RBFOX1: variants seen among roughly 807,000 people sequenced by gnomAD.
RBFOX1 encodes the protein RNA binding protein fox-1 homolog 1.
Under a neutral mutation model 57.7 loss-of-function variants are expected in RBFOX1, and 8 were observed. The ratio of observed to expected loss-of-function variants is 0.14; its 90% CI spans 0.08 to 0.25. The LOEUF is 0.25. RBFOX1 is among the 10% of genes least tolerant of loss of function. The probability of loss-of-function intolerance (pLI) is 1.00; values close to 1 mark genes in which losing one functional copy is unlikely to be tolerated. For synonymous variants in RBFOX1, 326 were observed against 222.4 expected (o/e 1.47, Z -4.15); for missense variants, 611 against 548.5 (o/e 1.11, Z -1.14).
At chr16:7,025,873 G>T (rs141342933) in intron 3 of RBFOX1, among the ~76,000 whole-genome samples, 2 of 152,136 alleles carry the variant, frequency 1.3e-5, no homozygotes, top group Non-Finnish European at 2.9e-5. Context: ...CAACCAGGAT[G>T]AGCTGCTTAA....
chr16:7,512,049 C>G (rs1317888515), intron 4 of RBFOX1, among the ~76,000 whole-genome samples: 1 of 152,128 alleles, frequency 6.6e-6, no homozygotes. Flanking sequence ...GGAACACCCA[C>G]AAGCACCCTG....
At chr16:7,142,826 T>C (rs997555074) in intron 4 of RBFOX1, among the ~76,000 whole-genome samples, 2 of 152,118 alleles carry the variant, frequency 1.3e-5, no homozygotes, top group Non-Finnish European at 1.5e-5. Flanking sequence ...GAATGAAAGA[T>C]AGAAAGAAAA....
chr16:5,518,393 T>A (rs889519256), intron 2 of RBFOX1, among the ~76,000 whole-genome samples: 3 of 152,166 alleles, frequency 2.0e-5, no homozygotes, highest in Non-Finnish European at 4.4e-5. Context: ...ATCACTGATG[T>A]GTCAAGATCC....
chr16:6,719,657 A>T (rs1473458458), intron 3 of RBFOX1, among the ~76,000 whole-genome samples: 3 of 151,362 alleles, frequency 2.0e-5, no homozygotes, highest in Admixed American at 1.3e-4. Context: ...CATGTTAGCT[A>T]GGATGGTCTT....
At chr16:5,336,488 C>G (rs1424528079) in intron 1 of RBFOX1, among the ~76,000 whole-genome samples, 1 of 152,188 alleles carries the variant, frequency 6.6e-6, no homozygotes, top group African/African-American at 2.4e-5. Context: ...GCTGATCCTT[C>G]TCCAGGCTCA....
intron 4 of RBFOX1, among the ~76,000 whole-genome samples, chr16:5,880,900 C>G (rs1022785893): frequency 6.6e-6 from 1 of 152,162 alleles, no homozygotes; most frequent in Non-Finnish European, 1.5e-5. Context: ...ACAAGCAAAT[C>G]TAGTAATTAC....
At chr16:7,660,222 A>G (rs2067364882) in intron 12 of RBFOX1, among the ~76,000 whole-genome samples, 1 of 152,172 alleles carries the variant, frequency 6.6e-6, no homozygotes, top group South Asian at 2.1e-4. Flanking sequence ...AACTACTGGT[A>G]TTACTTTTCT....
chr16:5,489,484 C>G (rs148624596), intron 2 of RBFOX1, among the ~76,000 whole-genome samples: 3 of 152,334 alleles, frequency 2.0e-5, no homozygotes, highest in Non-Finnish European at 2.9e-5. Context: ...TAGCCCTTCC[C>G]AGCTGTCTGA....
rs1170200850 is a variant in RBFOX1 at position 5,751,826 on chromosome 16, G to A, written c.319-115477G>A. ...AATGGTTTTTTATTCCTTATTGGTGGGAAAGTAAATTAGTTCAACCATTGT... is the reference window on the plus strand; with the variant it reads ...AATGGTTTTTTATTCCTTATTGGTGAGAAAGTAAATTAGTTCAACCATTGT... On this transcript the variant is annotated intron_variant, in intron 3 of 19. Coordinates refer to the RBFOX1 transcript ENST00000641259. Among the ~76,000 whole-genome samples, 3 of 152,092 alleles carry A rather than the reference G, an allele frequency of 2.0e-5. No individual in the cohort carries two copies. In the East Asian group the frequency reaches 5.8e-4, roughly 29 times the overall value.
chr16:7,284,234 C>A (rs562588305), intron 4 of RBFOX1, among the ~76,000 whole-genome samples: 2 of 152,226 alleles, frequency 1.3e-5, no homozygotes. Flanking sequence ...TTGCTGTAAG[C>A]ATTTATGTAC....
rs558364605 is a variant in RBFOX1 at position 5,373,169 on chromosome 16, A to C, written c.220-94047A>C. Among the ~76,000 whole-genome samples the C allele has an allele frequency of 1.8e-4, 27 of 152,280 alleles. No individual in the cohort carries two copies. In the South Asian group the frequency reaches 5.4e-3, roughly 30 times the overall value. On this transcript the variant is annotated intron_variant, in intron 1 of 2. Transcript: ENST00000585867. ...GCAGAACCATGGCCCATTGAGACAC[A>C]CAGCTGCTGCAGCATTCCTTGTGGG...
At chr16:5,484,259 G>T (rs2069648693) in intron 2 of RBFOX1, among the ~76,000 whole-genome samples, 1 of 152,194 alleles carries the variant, frequency 6.6e-6, no homozygotes, top group African/African-American at 2.4e-5. Flanking sequence ...ATTCACCCAT[G>T]AATCTGGCTG....
intron 3 of RBFOX1, among the ~76,000 whole-genome samples, chr16:6,925,276 G>T (rs1159369353): frequency 2.0e-5 from 3 of 150,994 alleles, no homozygotes; most frequent in Non-Finnish European, 4.4e-5. Flanking sequence ...TGGGATTACA[G>T]GTGCAAATCA....
intron 1 of RBFOX1, among the ~76,000 whole-genome samples, chr16:6,149,738 T>G (rs1393567260): frequency 2.0e-5 from 3 of 152,202 alleles, no homozygotes; most frequent in African/African-American, 7.2e-5. Flanking sequence ...TTGATTACCT[T>G]TAAGACTGGA....
At chr16:5,649,288 C>T (rs2049152901) in intron 3 of RBFOX1, among the ~76,000 whole-genome samples, 1 of 151,936 alleles carries the variant, frequency 6.6e-6, no homozygotes, top group African/African-American at 2.4e-5. Context: ...CTTGTCTCAC[C>T]CTCCCAAGTA....
intron 4 of RBFOX1, among the ~76,000 whole-genome samples, chr16:7,240,107 C>A (rs762507628): frequency 2.0e-5 from 3 of 152,098 alleles, no homozygotes; most frequent in African/African-American, 7.2e-5. Context: ...GCTGGGATTA[C>A]GGGCACCCGC....
intron 2 of RBFOX1, among the ~76,000 whole-genome samples, chr16:6,549,539 G>A (rs1226131496): frequency 4.1e-5 from 5 of 121,132 alleles, no homozygotes; most frequent in African/African-American, 1.2e-4. Flanking sequence ...GGAGGAGGAG[G>A]GGAGGAGGAG....
intron 2 of RBFOX1, among the ~76,000 whole-genome samples, chr16:5,572,539 C>A (rs993361408): frequency 6.6e-6 from 1 of 152,150 alleles, no homozygotes; most frequent in African/African-American, 2.4e-5. Context: ...CCAGTCATGA[C>A]AACCAGAATC....
rs2078044622 is a variant in RBFOX1 at position 6,939,839 on chromosome 16, T to A, written c.-15-112218T>A. ...AATTTTTCACTAAGAGGGTATCATA[T>A]AGCTGGTGGAAGATACATGTCAAGG... On this transcript the variant is annotated intron_variant, in intron 3 of 15. Coordinates refer to ENST00000550418, the MANE Select transcript of RBFOX1 (RefSeq NM_018723.4). 3.9e-5 allele frequency among the ~76,000 whole-genome samples: 6 copies of A among 152,318 alleles called. No homozygotes were observed. In the South Asian group the frequency reaches 1.2e-3, roughly 32 times the overall value.
Sources: allele counts gnomAD v4.1 joint callset (sites outside exome capture counted in the v4.1 genomes callset), GRCh38; gene constraint gnomAD v4.1.1; transcripts MANE v1.5; gene names NCBI Gene and HGNC (gene_info 2026-07-23, HGNC 2026-07-21).